Variants in CIMIP6 observed in about 807,000 individuals in gnomAD.
CIMIP6 encodes uncharacterized protein C2orf73.
At chr2:54,370,056 A>G in the CIMIP6 span, among the ~76,000 whole-genome samples, 1 of 152,150 alleles carries the variant, frequency 6.6e-6, no homozygotes, top group Non-Finnish European at 1.5e-5. Flanking sequence ...TCAGTTGAAG[A>G]CCAGCCTGAC....
chr2:54,381,928 G>T, the CIMIP6 span: 3 of 1,549,850 alleles, frequency 1.9e-6, no homozygotes, highest in Admixed American at 2.0e-5. Context: ...AGAGATCACG[G>T]GCATGTTTTT....
the CIMIP6 span, among the ~76,000 whole-genome samples, chr2:54,353,679 T>C: frequency 6.6e-6 from 1 of 152,190 alleles, no homozygotes; most frequent in Non-Finnish European, 1.5e-5. Context: ...AAAAAGTTGA[T>C]TTTGATGACT....
chr2:54,343,115 A>G, the CIMIP6 span, among the ~76,000 whole-genome samples: 32 of 152,228 alleles, frequency 2.1e-4, no homozygotes, highest in Admixed American at 4.6e-4. Flanking sequence ...TGACAAATCA[A>G]TGAGTTGCAG....
At chr2:54,334,960 C>A in the CIMIP6 span, 5 of 1,604,116 alleles carry the variant, frequency 3.1e-6, no homozygotes, top group South Asian at 5.6e-5. Flanking sequence ...TTCATTAACA[C>A]AAATGCAAGA....
chr2:54,372,917 G>A, the CIMIP6 span, among the ~76,000 whole-genome samples: 8 of 152,152 alleles, frequency 5.3e-5, no homozygotes, highest in East Asian at 7.7e-4. Context: ...GTTTCCCCTC[G>A]TATAGTTCTG....
chr2:54,378,348 G>A, the CIMIP6 span, among the ~76,000 whole-genome samples: 1 of 152,216 alleles, frequency 6.6e-6, no homozygotes, highest in African/African-American at 2.4e-5. Flanking sequence ...AGCCTCCGGA[G>A]CTTATCCAGG....
chr2:54,375,582 TA>T, the CIMIP6 span, among the ~76,000 whole-genome samples: 3 of 152,226 alleles, frequency 2.0e-5, no homozygotes, highest in African/African-American at 7.2e-5. Context: ...TATATGTTTT[TA>T]CTTTACAATT....
chr2:54,343,625 G>C, the CIMIP6 span: 1 of 876,896 alleles, frequency 1.1e-6, no homozygotes, highest in South Asian at 3.7e-5. Context: ...CCACTAACTT[G>C]TTAAATTGAA....
At chr2:54,382,099 C>T in the CIMIP6 span, 1 of 1,250,004 alleles carries the variant, frequency 8.0e-7, no homozygotes, top group East Asian at 2.8e-5. Flanking sequence ...GATTACAAAG[C>T]ACAAATTTCC....
At chr2:54,353,680 T>C in the CIMIP6 span, among the ~76,000 whole-genome samples, 1 of 152,204 alleles carries the variant, frequency 6.6e-6, no homozygotes, top group Non-Finnish European at 1.5e-5. Context: ...AAAAGTTGAT[T>C]TTGATGACTT....
chr2:54,373,548 G>A, the CIMIP6 span, among the ~76,000 whole-genome samples: 23 of 152,072 alleles, frequency 1.5e-4, no homozygotes, highest in Admixed American at 6.5e-4. Flanking sequence ...GATATAATAC[G>A]TGCCCTGCAA....
At chr2:54,358,086 C>G in the CIMIP6 span, among the ~76,000 whole-genome samples, 20 of 152,206 alleles carry the variant, frequency 1.3e-4, no homozygotes, top group African/African-American at 4.8e-4. Flanking sequence ...CTCATATACT[C>G]ATCACCCAGA....
At chr2:54,381,305 A>C in the CIMIP6 span, among the ~76,000 whole-genome samples, 1 of 152,176 alleles carries the variant, frequency 6.6e-6, no homozygotes, top group Non-Finnish European at 1.5e-5. Context: ...TCCAATTCCT[A>C]ACTGACCCCC....
chr2:54,336,654 T>A, the CIMIP6 span, among the ~76,000 whole-genome samples: 1 of 152,152 alleles, frequency 6.6e-6, no homozygotes, highest in South Asian at 2.1e-4. Flanking sequence ...AGTAAGGGAA[T>A]AGATCAAACA....
At chr2:54,342,709 C>T in the CIMIP6 span, among the ~76,000 whole-genome samples, 1 of 151,878 alleles carries the variant, frequency 6.6e-6, no homozygotes, top group Non-Finnish European at 1.5e-5. Context: ...TATTTATCCC[C>T]CTTGAATCAT....
the CIMIP6 span, among the ~76,000 whole-genome samples, chr2:54,341,180 C>G: frequency 6.6e-6 from 1 of 152,132 alleles, no homozygotes; most frequent in Non-Finnish European, 1.5e-5. Flanking sequence ...GAATGTTTGT[C>G]CCCTCCAAAC....
At chr2:54,357,514 A>G in the CIMIP6 span, among the ~76,000 whole-genome samples, 1 of 151,362 alleles carries the variant, frequency 6.6e-6, no homozygotes, top group Non-Finnish European at 1.5e-5. Flanking sequence ...TACAGTCACC[A>G]CTGTTACCAG....
chr2:54,356,333 C>A, the CIMIP6 span, among the ~76,000 whole-genome samples: 1 of 152,202 alleles, frequency 6.6e-6, no homozygotes, highest in Non-Finnish European at 1.5e-5. Flanking sequence ...TTGACAACAA[C>A]TGGCTAGGCA....
At chr2:54,371,215 A>AC in the CIMIP6 span, among the ~76,000 whole-genome samples, 4 of 151,950 alleles carry the variant, frequency 2.6e-5, no homozygotes, top group South Asian at 8.3e-4. Context: ...TGATTTTTGA[A>AC]CCCCCCACAT....
Sources: allele counts gnomAD v4.1 joint callset (sites outside exome capture counted in the v4.1 genomes callset), GRCh38; gene constraint gnomAD v4.1.1; transcripts MANE v1.5; gene names NCBI Gene and HGNC (gene_info 2026-07-23, HGNC 2026-07-21).